The following CEP162 variants were observed in gnomAD, a reference collection of about 807,000 sequenced individuals.
CEP162 encodes centrosomal protein 162.
CEP162 carries 141 observed loss-of-function variants against 169.2 expected under a neutral mutation model. The observed-to-expected ratio is 0.83, with a 90% CI of 0.73 to 0.96. CEP162 has a LOEUF of 0.96. Among genes scored for constraint, CEP162 ranks in the 40% least tolerant of loss-of-function variants. CEP162 has a pLI of 0.00. For missense variants in CEP162, 1,600 were observed against 1,587.2 expected, an observed-to-expected ratio of 1.01 and a Z score of -0.14; for synonymous variants, 540 against 526.4, an observed-to-expected ratio of 1.03 and a Z score of -0.35.
chr6:84,145,418 C>A lies in CEP162; in HGVS notation c.3870+1269G>T, dbSNP rs2099518397. ...TGCACTTTTTATGCAAATAACCAAG[C>A]CAAGTTTAATGAGACTAGACTTATT... On this transcript the variant is annotated intron_variant, in intron 25 of 26. Transcript: ENST00000403245. Among the ~76,000 whole-genome samples the A allele has an allele frequency of 2.0e-5, 3 of 152,070 alleles. No individual in the cohort carries two copies. In the South Asian group the frequency reaches 6.2e-4, roughly 31 times the overall value.
At chr6:84,132,852 C>T (rs894660439) in intron 25 of CEP162, among the ~76,000 whole-genome samples, 9 of 152,106 alleles carry the variant, frequency 5.9e-5, no homozygotes, top group East Asian at 1.9e-4. Context: ...TCTGTCAACT[C>T]GTCAAAGTCA....
chr6:84,175,482 A>G lies in CEP162; in HGVS notation c.1664-135T>C, dbSNP rs567387312. ...TCAGAATAGGCTGATGGACTACACT[A>G]TAACACAGCTGTTTCACTATAACTG... On this transcript the variant is annotated intron_variant, in intron 13 of 26. Transcript: ENST00000403245. 9.0e-5 allele frequency: 51 copies of G among 568,766 alleles called. 1 individual carries two copies. In the South Asian group the frequency reaches 1.3e-3, roughly 14 times the overall value. 35.2% of individuals were successfully genotyped at this position (568,766 alleles called of 1,614,324 possible). A position where few individuals can be genotyped will look rare whatever the true frequency, so the allele number is the denominator to read the frequency against.
chr6:84,211,324 C>G (rs2099549343), intron 6 of CEP162, among the ~76,000 whole-genome samples: 1 of 151,398 alleles, frequency 6.6e-6, no homozygotes, highest in South Asian at 2.1e-4. Flanking sequence ...GTCAGGAGAT[C>G]AAGACCATCC....
At chr6:84,207,383 C>T (rs957879120) in intron 6 of CEP162, among the ~76,000 whole-genome samples, 1 of 152,096 alleles carries the variant, frequency 6.6e-6, no homozygotes, top group African/African-American at 2.4e-5. Context: ...GAATACTATG[C>T]AGCCATAAAA....
chr6:84,145,715 G>A (rs1474391702), intron 25 of CEP162, among the ~76,000 whole-genome samples: 1 of 151,996 alleles, frequency 6.6e-6, no homozygotes, highest in Admixed American at 6.6e-5. Flanking sequence ...ATCTTAATAA[G>A]CTGAAGCTGA....
At chr6:84,145,336 A>G (rs1227556721) in intron 25 of CEP162, among the ~76,000 whole-genome samples, 1 of 152,132 alleles carries the variant, frequency 6.6e-6, no homozygotes, top group Non-Finnish European at 1.5e-5. Context: ...ATCCTTATTA[A>G]AAGTTCCAGC....
intron 6 of CEP162, among the ~76,000 whole-genome samples, chr6:84,207,142 T>C (rs959057135): frequency 5.3e-5 from 8 of 151,866 alleles, no homozygotes; most frequent in Non-Finnish European, 8.8e-5. Flanking sequence ...ACTAGTTCAA[T>C]TGTGGAAGAC....
intron 21 of CEP162, among the ~76,000 whole-genome samples, chr6:84,155,870 G>A (rs2099522945): frequency 6.6e-6 from 1 of 152,080 alleles, no homozygotes; most frequent in African/African-American, 2.4e-5. Flanking sequence ...CACAGAATTA[G>A]AAAAACCAAT....
chr6:84,171,607 T>C lies in CEP162; in HGVS notation c.2278A>G (p.Lys760Glu). 7.2e-7 allele frequency: 1 copy of C among 1,386,972 alleles called. No individual in the cohort carries two copies. The highest frequency in any genetic ancestry group is 9.7e-7 in the Non-Finnish European group (1 of 1,033,452). The allele number at this position is 1,386,972 out of a possible 1,614,324, so 85.9% of individuals were successfully genotyped here. ...QSLFSEVASL[K>E]EQMHKSRFLS... ...TTTAAGAAGTTCAAAAGGACTTACT[T>C]TAAGGAAGCTACCTCACTGAATAAA... Residue 760 changes from lysine (K) to glutamate (E), a missense_variant and splice_region_variant, in exon 17 of 27, where the codon AAA (lysine) becomes GAA (glutamate). By Grantham distance (56) the Lys-to-Glu change is moderately conservative. Transcript: ENST00000403245.
chr6:84,226,316 CTTTTAAAAATATAAACTTACCTCT>C lies in CEP162; in HGVS notation c.54_57+20del. The C allele has an allele frequency of 6.7e-7, 1 of 1,482,454 alleles. No individual in the cohort carries two copies. The highest frequency in any genetic ancestry group is 9.2e-7 in the Non-Finnish European group (1 of 1,083,574). 91.8% of individuals were successfully genotyped at this position (1,482,454 alleles called of 1,614,324 possible). On this transcript the variant is annotated splice_donor_variant and splice_donor_5th_base_variant and coding_sequence_variant and intron_variant, in exon 2 of 27. Coordinates refer to ENST00000403245, the MANE Select transcript of CEP162 (RefSeq NM_014895.4). LOFTEE classifies it high-confidence loss of function. Reference sequence around the variant, plus strand: ...TTTTGAGACAAATTTGACAATATAGCTTTTAAAAATATAAACTTACCTCTTTCATAAACTGTTCAAACTCTTCAT... The same window carrying C: ...TTTTGAGACAAATTTGACAATATAGCTTCATAAACTGTTCAAACTCTTCAT...
chr6:84,181,656 G>T (rs1426592941), intron 13 of CEP162, among the ~76,000 whole-genome samples: 1 of 152,038 alleles, frequency 6.6e-6, no homozygotes, highest in Non-Finnish European at 1.5e-5. Context: ...CAGTCAAAAA[G>T]AAACCAATCA....
intron 25 of CEP162, among the ~76,000 whole-genome samples, chr6:84,130,865 CTCTGA>C (rs2099511065): frequency 6.6e-6 from 1 of 152,086 alleles, no homozygotes; most frequent in Non-Finnish European, 1.5e-5. Flanking sequence ...TTTAGCTCTG[CTCTGA>C]TCTTAGTTAT....
At chr6:84,143,434 A>C (rs1248590600) in intron 25 of CEP162, among the ~76,000 whole-genome samples, 1 of 152,044 alleles carries the variant, frequency 6.6e-6, no homozygotes, top group East Asian at 1.9e-4. Flanking sequence ...GATAAGGGAA[A>C]CAACTTTGTA....
rs745559104 is a variant in CEP162, at chr6:84,152,796, G to A, written c.3378C>T (p.Gly1126=). 3 of 1,613,374 alleles carry A rather than the reference G, an allele frequency of 1.9e-6. No homozygotes were observed. The highest frequency in any genetic ancestry group is 2.5e-6 in the Non-Finnish European group (3 of 1,179,742). ...CCCTTTTGGCAGACATTTCCTCTCT[G>A]CCCTTTGAGTTCTGATTTGATAGCA... is the stretch of plus-strand genomic sequence containing the variant. ...RMMLSNQNSK[G]REEMSAKRAK... The change falls in exon 23 of 27, where the codon GGC becomes GGT. Residue 1126 remains glycine (G), a synonymous_variant. Transcript: ENST00000403245.
intron 25 of CEP162, among the ~76,000 whole-genome samples, chr6:84,133,595 C>G (rs1286384098): frequency 6.6e-6 from 1 of 152,206 alleles, no homozygotes; most frequent in African/African-American, 2.4e-5. Context: ...TTGCTGCTGC[C>G]TTGCAGTTCA....
At chr6:84,170,316 GT>G (rs976259346) in intron 17 of CEP162, among the ~76,000 whole-genome samples, 4 of 142,838 alleles carry the variant, frequency 2.8e-5, no homozygotes, top group African/African-American at 1.0e-4. Context: ...AGAGCTTGCA[GT>G]GAGCCGAGAT....
At chr6:84,226,528 C>T in intron 1 of CEP162, 76 bp from the exon 2 acceptor site, 1 of 676,064 alleles carries the variant, frequency 1.5e-6, no homozygotes, top group Non-Finnish European at 2.5e-6. Flanking sequence ...AAACTTCGGA[C>T]ATTTGTTATG....
rs58749298 is a variant in CEP162, at chr6:84,138,879, C to T, written c.3870+7808G>A. ...TACATCTTAAACACTGAAAAGAATG[C>T]ACAATGCTGAACTAGCCTTTCAACT... On this transcript the variant is annotated intron_variant, in intron 25 of 26. Transcript: ENST00000403245. Among the ~76,000 whole-genome samples the T allele has an allele frequency of 9.3e-3, 1,413 of 152,270 alleles. 16 individuals carry two copies. Among genetic ancestry groups the T allele is most frequent in the African/African-American group, 0.032 (1,337 of 41,546 alleles).
chr6:84,158,645 T>C (rs1294733085), intron 21 of CEP162, among the ~76,000 whole-genome samples: 1 of 152,144 alleles, frequency 6.6e-6, no homozygotes, highest in Non-Finnish European at 1.5e-5. Context: ...AAAGCTTTGT[T>C]TCCTCTGATA....
Sources: allele counts gnomAD v4.1 joint callset (sites outside exome capture counted in the v4.1 genomes callset), GRCh38; gene constraint gnomAD v4.1.1; transcripts MANE v1.5; gene names NCBI Gene and HGNC (gene_info 2026-07-23, HGNC 2026-07-21).